The following XRN1 variants were observed in gnomAD, a reference collection of about 807,000 sequenced individuals.
XRN1 encodes the protein 5'-3' exoribonuclease 1.
In XRN1, 67 loss-of-function variants were observed where a neutral mutation model predicts 222.3. That is an observed-to-expected ratio of 0.30 (90% confidence interval 0.25 to 0.37). The LOEUF is 0.37. XRN1 is among the 10% of genes least tolerant of loss of function. The probability of loss-of-function intolerance (pLI) is 1.00; values close to 1 mark genes in which losing one functional copy is unlikely to be tolerated. For synonymous variants in XRN1, 643 were observed against 652.4 expected, an observed-to-expected ratio of 0.99 and a Z score of 0.22; for missense variants, 1,707 against 2,000.2, an observed-to-expected ratio of 0.85 and a Z score of 2.80.
chr3:142,339,172 C>G (rs2065921240), intron 33 of XRN1, among the ~76,000 whole-genome samples: 1 of 152,138 alleles, frequency 6.6e-6, no homozygotes, highest in African/African-American at 2.4e-5. Flanking sequence ...TAGTGCAGTC[C>G]CAGTGGTGGT....
chr3:142,389,500 C>T (rs1489081545), intron 20 of XRN1, among the ~76,000 whole-genome samples: 1 of 152,066 alleles, frequency 6.6e-6, no homozygotes, highest in East Asian at 1.9e-4. Context: ...CTTTCCAGAA[C>T]GTTTTCAATT....
At chr3:142,362,986 G>C (rs1428455727) in intron 29 of XRN1, among the ~76,000 whole-genome samples, 1 of 151,810 alleles carries the variant, frequency 6.6e-6, no homozygotes, top group Non-Finnish European at 1.5e-5. Context: ...TGTTACCCAG[G>C]CTGGTCTCAA....
chr3:142,350,878 A>G (rs1219252128), intron 32 of XRN1, among the ~76,000 whole-genome samples: 2 of 152,184 alleles, frequency 1.3e-5, no homozygotes, highest in East Asian at 1.9e-4. Flanking sequence ...CAAGAGTTCA[A>G]TTTTGGACAT....
At chr3:142,397,302 A>G (rs2067966874) in intron 20 of XRN1, 27 bp downstream of exon 20, 2 of 1,544,692 alleles carry the variant, frequency 1.3e-6, no homozygotes, top group East Asian at 4.6e-5. Flanking sequence ...TAGTTCCATG[A>G]TATTAAATAC....
chr3:142,364,413 G>C (rs976435955), intron 29 of XRN1, among the ~76,000 whole-genome samples: 1 of 151,996 alleles, frequency 6.6e-6, no homozygotes, highest in Non-Finnish European at 1.5e-5. Flanking sequence ...ATATTTAGCT[G>C]CTGCTTCCTT....
intron 36 of XRN1, 125 bp from the exon 37 acceptor site, chr3:142,329,740 GC>G: frequency 1.2e-6 from 1 of 826,382 alleles, no homozygotes; most frequent in Non-Finnish European, 1.7e-6. Flanking sequence ...ATTGCTCAAG[GC>G]CACCCATTAT....
chr3:142,348,129 G>C (rs1191780404), intron 32 of XRN1, among the ~76,000 whole-genome samples: 1 of 151,878 alleles, frequency 6.6e-6, no homozygotes, highest in Non-Finnish European at 1.5e-5. Flanking sequence ...AGCATGGCAG[G>C]GAATGAATAC....
intron 15 of XRN1, among the ~76,000 whole-genome samples, chr3:142,409,841 C>G (rs1325474903): frequency 6.6e-6 from 1 of 152,158 alleles, no homozygotes; most frequent in Non-Finnish European, 1.5e-5. Flanking sequence ...AGAGGGCTTC[C>G]ACATATGTTG....
chr3:142,425,576 A>G, intron 3 of XRN1, 38 bp from the exon 4 acceptor site: 1 of 1,519,252 alleles, frequency 6.6e-7, no homozygotes, highest in Non-Finnish European at 9.0e-7. Context: ...TCTAAGAAAG[A>G]CATAAAAACA....
chr3:142,431,774 G>A lies in XRN1; in HGVS notation c.308+887C>T, dbSNP rs574384809. ...GGAGGTTGTAATGAGCCGAGATCGC[G>A]CCACTGCACTCCAGCCTGGGCGACA... On this transcript the variant is annotated intron_variant, in intron 2 of 40. Transcript: ENST00000392981. 2.8e-4 allele frequency among the ~76,000 whole-genome samples: 36 copies of A among 129,326 alleles called. No individual in the cohort carries two copies. In the East Asian group the frequency reaches 7.0e-3, roughly 25 times the overall value. 84.8% of individuals were successfully genotyped at this position (129,326 alleles called of 152,430 possible). A position where few individuals can be genotyped will look rare whatever the true frequency, so the allele number is the denominator to read the frequency against.
At chr3:142,419,008 C>T (rs778106437) in intron 10 of XRN1, 127 bp from the exon 11 acceptor site, 9 of 843,196 alleles carry the variant, frequency 1.1e-5, no homozygotes, top group Non-Finnish European at 1.8e-5. Context: ...CATATCCTGC[C>T]CATCTGTTTT....
chr3:142,338,439 G>A (rs1307280039), intron 33 of XRN1, among the ~76,000 whole-genome samples: 2 of 152,076 alleles, frequency 1.3e-5, no homozygotes. Context: ...CCTTGGGACT[G>A]AAACAACCAG....
rs1398738392 is a variant in XRN1, at chr3:142,426,853, A to AG, written c.309-13dup. 1.2e-6 allele frequency: 2 copies of AG among 1,608,074 alleles called. No homozygotes were observed. Among genetic ancestry groups the AG allele is most frequent in the African/African-American group, 2.7e-5 (2 of 74,636 alleles). ...CCTCCTTTGCTGACCTTAAAGGTTA[A>AG]GGGAAAAAAGTACCTTAAGTTTTCT... On this transcript the variant is annotated splice_polypyrimidine_tract_variant and intron_variant, in intron 2 of 40. Transcript: ENST00000392981.
intron 20 of XRN1, among the ~76,000 whole-genome samples, chr3:142,385,772 T>C (rs886576654): frequency 2.0e-5 from 3 of 152,080 alleles, no homozygotes; most frequent in African/African-American, 7.2e-5. Flanking sequence ...AATTCTGATA[T>C]TATTTTCATC....
At chr3:142,338,818 C>T (rs539852817) in intron 33 of XRN1, among the ~76,000 whole-genome samples, 72 of 152,260 alleles carry the variant, frequency 4.7e-4, no homozygotes, top group African/African-American at 1.6e-3. Context: ...GCAGTACTCC[C>T]CATGGGCGTG....
chr3:142,393,047 G>A (rs2067793316), intron 20 of XRN1, among the ~76,000 whole-genome samples: 1 of 151,672 alleles, frequency 6.6e-6, no homozygotes, highest in African/African-American at 2.4e-5. Context: ...TCTCATTGTG[G>A]TTTTGATTTG....
At chr3:142,446,605 C>A (rs1361318010) in intron 1 of XRN1, among the ~76,000 whole-genome samples, 1 of 152,112 alleles carries the variant, frequency 6.6e-6, no homozygotes, top group Non-Finnish European at 1.5e-5. Context: ...GAATAACAAT[C>A]GCATTATTTT....
intron 15 of XRN1, among the ~76,000 whole-genome samples, chr3:142,406,492 T>A (rs749827628): frequency 6.6e-6 from 1 of 152,218 alleles, no homozygotes; most frequent in Non-Finnish European, 1.5e-5. Context: ...AATAAAGTCA[T>A]ATTTGGGAGA....
At chr3:142,313,046 T>C (rs745380031) in intron 39 of XRN1, 21 of 1,420,918 alleles carry the variant, frequency 1.5e-5, no homozygotes, top group Non-Finnish European at 2.0e-5. Context: ...ATATTTGCAA[T>C]TATATTTATA....
Sources: gnomAD v4.1 joint callset for allele counts (sites outside exome capture counted in the v4.1 genomes callset) on GRCh38, gnomAD v4.1.1 for gene constraint, MANE v1.5 for transcripts, NCBI Gene and HGNC (gene_info 2026-07-23, HGNC 2026-07-21) for gene names.